Variants in SEMA3E observed in about 807,000 individuals in gnomAD.
SEMA3E encodes semaphorin-3E.
SEMA3E carries 49 observed loss-of-function variants against 93.6 expected under a neutral mutation model. The ratio of observed to expected loss-of-function variants is 0.52; its 90% CI spans 0.42 to 0.66. The LOEUF (loss-of-function observed/expected upper bound fraction) is 0.66. Ranked by LOEUF, SEMA3E falls within the 30% of genes least tolerant of loss-of-function variation. The probability of loss-of-function intolerance (pLI) is 0.00; values close to 1 mark genes in which losing one functional copy is unlikely to be tolerated. For synonymous variants in SEMA3E, 363 were observed against 330.7 expected (o/e 1.10, Z -1.06); for missense variants, 906 against 964.8 (o/e 0.94, Z 0.81).
chr7:83,440,766 C>A (rs1789096610), intron 4 of SEMA3E, among the ~76,000 whole-genome samples: 1 of 146,206 alleles, frequency 6.8e-6, no homozygotes, highest in African/African-American at 2.5e-5. Flanking sequence ...TGTGCCACTG[C>A]ACTCCAGCCT....
At chr7:83,497,311 T>C (rs991287317) in intron 1 of SEMA3E, among the ~76,000 whole-genome samples, 1 of 152,106 alleles carries the variant, frequency 6.6e-6, no homozygotes, top group African/African-American at 2.4e-5. Flanking sequence ...CAAACAAAAA[T>C]AGATTTCAGG....
At chr7:83,475,157 G>A (rs1328354789) in intron 2 of SEMA3E, among the ~76,000 whole-genome samples, 2 of 151,538 alleles carry the variant, frequency 1.3e-5, no homozygotes, top group African/African-American at 4.8e-5. Flanking sequence ...TATAGGCTGG[G>A]CTTCTTTTTA....
At chr7:83,390,059 G>GTCTA (rs1562758484) in intron 14 of SEMA3E, among the ~76,000 whole-genome samples, 1 of 24,476 alleles carries the variant, frequency 4.1e-5, no homozygotes, top group African/African-American at 7.2e-5. Flanking sequence ...GTATACGTGT[G>GTCTA]CACATATATG....
intron 1 of SEMA3E, among the ~76,000 whole-genome samples, chr7:83,647,839 T>G (rs752267685): frequency 1.3e-5 from 2 of 152,220 alleles, no homozygotes; most frequent in Non-Finnish European, 2.9e-5. Flanking sequence ...GAAAAAATTC[T>G]AATAATCAAT....
chr7:83,412,863 G>A (rs1438414211), intron 5 of SEMA3E, among the ~76,000 whole-genome samples: 1 of 151,734 alleles, frequency 6.6e-6, no homozygotes, highest in Middle Eastern at 3.2e-3. Context: ...AATTTACGTG[G>A]ATAACAAATT....
intron 1 of SEMA3E, among the ~76,000 whole-genome samples, chr7:83,565,765 G>T (rs1246803925): frequency 6.6e-6 from 1 of 151,942 alleles, no homozygotes; most frequent in African/African-American, 2.4e-5. Context: ...AGCTATACGT[G>T]TTTTTTCCAG....
intron 16 of SEMA3E, among the ~76,000 whole-genome samples, chr7:83,368,511 C>G (rs1263571277): frequency 6.6e-6 from 1 of 152,148 alleles, no homozygotes; most frequent in Non-Finnish European, 1.5e-5. Flanking sequence ...AATGTTTCTA[C>G]AAGGACCTCT....
At chr7:83,558,847 GA>G (rs1190549504) in intron 1 of SEMA3E, among the ~76,000 whole-genome samples, 1 of 151,886 alleles carries the variant, frequency 6.6e-6, no homozygotes, top group African/African-American at 2.4e-5. Context: ...ATATTTTAGT[GA>G]AAAAAGAAAT....
chr7:83,431,491 C>T (rs561004674), intron 4 of SEMA3E, among the ~76,000 whole-genome samples: 5 of 152,156 alleles, frequency 3.3e-5, no homozygotes, highest in African/African-American at 1.2e-4. Context: ...CTACAACCTC[C>T]CCCTCCCAGG....
chr7:83,546,321 G>GTGT (rs1791649130), intron 1 of SEMA3E, among the ~76,000 whole-genome samples: 1 of 129,406 alleles, frequency 7.7e-6, no homozygotes, highest in Non-Finnish European at 1.7e-5. Context: ...TATAATAAGG[G>GTGT]GTGTGTGTGT....
intron 1 of SEMA3E, among the ~76,000 whole-genome samples, chr7:83,554,000 G>T (rs1287017157): frequency 6.6e-6 from 1 of 151,848 alleles, no homozygotes. Context: ...TAAAAAATTT[G>T]CTGAATTATT....
intron 1 of SEMA3E, among the ~76,000 whole-genome samples, chr7:83,576,278 A>G (rs1181684060): frequency 6.6e-6 from 1 of 152,198 alleles, no homozygotes; most frequent in African/African-American, 2.4e-5. Flanking sequence ...CGGAGTTAAG[A>G]CAGTTAATAT....
chr7:83,451,983 CCTT>C (rs770386965), intron 4 of SEMA3E, among the ~76,000 whole-genome samples: 9 of 152,166 alleles, frequency 5.9e-5, no homozygotes, highest in African/African-American at 1.4e-4. Flanking sequence ...CACTCGTTCT[CCTT>C]CTTCTGGTTT....
At chr7:83,410,775 A>T (rs963201647) in intron 5 of SEMA3E, among the ~76,000 whole-genome samples, 4 of 152,042 alleles carry the variant, frequency 2.6e-5, no homozygotes, top group African/African-American at 9.7e-5. Flanking sequence ...ACTTAAAAAA[A>T]TTGACTATTA....
chr7:83,463,414 C>T (rs1220707151), intron 4 of SEMA3E, among the ~76,000 whole-genome samples: 1 of 152,186 alleles, frequency 6.6e-6, no homozygotes, highest in African/African-American at 2.4e-5. Context: ...TTTTCTTCCT[C>T]ATACCTGACG....
chr7:83,546,324 GT>G (rs1791649956), intron 1 of SEMA3E, among the ~76,000 whole-genome samples: 6 of 10,144 alleles, frequency 5.9e-4, no homozygotes, highest in African/African-American at 1.2e-3. Flanking sequence ...AATAAGGGGT[GT>G]GTGTGTGTGT....
chr7:83,603,735 C>G (rs1793045549), intron 1 of SEMA3E, among the ~76,000 whole-genome samples: 1 of 152,110 alleles, frequency 6.6e-6, no homozygotes, highest in Non-Finnish European at 1.5e-5. Context: ...TACATTCTAA[C>G]CTTTAAGCCA....
chr7:83,379,829 G>A (rs1787743296), intron 16 of SEMA3E, among the ~76,000 whole-genome samples: 1 of 151,758 alleles, frequency 6.6e-6, no homozygotes, highest in African/African-American at 2.4e-5. Context: ...ACTGTTGCAA[G>A]GATTAAAAAT....
intron 1 of SEMA3E, among the ~76,000 whole-genome samples, chr7:83,518,007 C>T (rs1375597853): frequency 6.6e-6 from 1 of 152,062 alleles, no homozygotes; most frequent in Non-Finnish European, 1.5e-5. Context: ...AATCCCAAAA[C>T]TGTTATTTCC....
Sources: gnomAD v4.1 joint callset for allele counts (sites outside exome capture counted in the v4.1 genomes callset) on GRCh38, gnomAD v4.1.1 for gene constraint, MANE v1.5 for transcripts, NCBI Gene and HGNC (gene_info 2026-07-23, HGNC 2026-07-21) for gene names.